ZNF516: variants seen among roughly 807,000 people sequenced by gnomAD.
The protein encoded by ZNF516 is zinc finger protein 516.
Under a neutral mutation model 79.7 loss-of-function variants are expected in ZNF516, and 19 were observed. That is an observed-to-expected ratio of 0.24 (90% CI 0.17 to 0.35). ZNF516 has a LOEUF of 0.35. Ranked by LOEUF, ZNF516 falls within the 10% of genes least tolerant of loss-of-function variation. The pLI, the probability that ZNF516 is intolerant of heterozygous loss-of-function variation, is 1.00. For missense variants in ZNF516, 1,678 were observed against 1,679.5 expected (o/e 1.00, Z 0.02); for synonymous variants, 877 against 739.5 (o/e 1.19, Z -3.02).
rs558462582 is a variant in ZNF516, at chr18:76,459,002, G to C, written c.-158+4026C>G. On this transcript the variant is annotated intron_variant, in intron 2 of 6. Coordinates refer to ENST00000443185, the MANE Select transcript of ZNF516 (RefSeq NM_014643.4). The surrounding 1 kb of genome is among the most constrained non-coding windows in gnomAD (Gnocchi z 5.0). ...TGTGCTAGTGTGCCCGAGGGTGTGT[G>C]TGTGTGTCTGAGAGAGCACATGTGT... Among the ~76,000 whole-genome samples, 127 of 152,376 alleles carry C rather than the reference G, an allele frequency of 8.3e-4. 1 individual carries two copies. The highest frequency in any genetic ancestry group is 1.3e-3 in the Non-Finnish European group (90 of 68,038).
Position 76,380,184 on chromosome 18 carries a change from C to T in ZNF516, c.1930G>A (p.Ala644Thr). 5 of 1,614,002 alleles carry T rather than the reference C, an allele frequency of 3.1e-6. No homozygotes were observed. Among genetic ancestry groups the T allele is most frequent in the Non-Finnish European group, 4.2e-6 (5 of 1,179,898 alleles). The change falls in exon 4 of 7, where the codon GCA becomes ACA. Residue 644 changes from alanine (A) to threonine (T), a missense_variant. Ala to Thr is a moderately conservative substitution (Grantham distance 58). This residue lies in a region of ZNF516 where 1,294 missense variants were observed against 1,248.3 expected (regional missense o/e 1.04). Coordinates refer to ENST00000443185, the MANE Select transcript of ZNF516 (RefSeq NM_014643.4). ...ASERDTGESK[A>T]GIAASVSILE... ...ATGGACACAGAAGCTGCGATCCCTG[C>T]CTTGGACTCGCCGGTGTCTCTTTCC...
intron 2 of ZNF516, among the ~76,000 whole-genome samples, chr18:76,445,678 C>T (rs986960982): frequency 1.3e-5 from 2 of 152,162 alleles, no homozygotes; most frequent in Non-Finnish European, 2.9e-5. Context: ...CCTGGACCTC[C>T]AACGTTTGTC....
rs140075832 is a variant in ZNF516, at chr18:76,412,298, A to C, written c.1810+28947T>G. 1.2e-4 allele frequency among the ~76,000 whole-genome samples: 18 copies of C among 152,160 alleles called. No individual in the cohort carries two copies. In the East Asian group the frequency reaches 3.3e-3, roughly 28 times the overall value. ...GCGATGCTCTCCTTCCTCACTGGGGACAGAGGGGACGTACACGGCACCCAA... is the reference window on the plus strand; with the variant it reads ...GCGATGCTCTCCTTCCTCACTGGGGCCAGAGGGGACGTACACGGCACCCAA... On this transcript the variant is annotated intron_variant, in intron 3 of 6. Coordinates refer to ENST00000443185, the MANE Select transcript of ZNF516 (RefSeq NM_014643.4).
At chr18:76,446,999 T>TC (rs1214050354) in intron 2 of ZNF516, among the ~76,000 whole-genome samples, 1 of 152,190 alleles carries the variant, frequency 6.6e-6, no homozygotes, top group Non-Finnish European at 1.5e-5. Context: ...AGTGATCCCC[T>TC]CCTGATGTCC....
intron 1 of ZNF516, among the ~76,000 whole-genome samples, chr18:76,491,254 C>T (rs1380090987): frequency 1.4e-5 from 2 of 141,070 alleles, no homozygotes; most frequent in Non-Finnish European, 3.1e-5. Flanking sequence ...ACCCCAGTTC[C>T]GGACCGGACC....
chr18:76,435,101 C>T (rs1223352697), intron 3 of ZNF516, among the ~76,000 whole-genome samples: 1 of 152,136 alleles, frequency 6.6e-6, no homozygotes, highest in Non-Finnish European at 1.5e-5. Context: ...TAGTTCCCTC[C>T]CACCTCGAAA....
chr18:76,441,534 G>C lies in ZNF516; in HGVS notation c.1521C>G (p.Ala507=). 6.4e-7 allele frequency: 1 copy of C among 1,572,200 alleles called. No individual in the cohort carries two copies. The highest frequency in any genetic ancestry group is 1.2e-5 in the South Asian group (1 of 86,290). The change falls in exon 3 of 7, where the codon GCC becomes GCG. Residue 507 remains alanine (A), a synonymous_variant. Transcript: ENST00000443185. Reference sequence around the variant, plus strand: ...CGGAGGACTTGCCCTGGCCGGTGGTGGCTGCGGCCCTGCGGTTGGGGCGCG... The same window carrying C: ...CGGAGGACTTGCCCTGGCCGGTGGTCGCTGCGGCCCTGCGGTTGGGGCGCG... ...SAARPNRRAA[A]TTGQGKSSEC... is the part of the protein sequence containing the mutation.
In ZNF516 at chr18:76,419,179, T is replaced by C. The variant is rs28558813; in HGVS notation, c.1810+22066A>G. 9.1e-3 allele frequency among the ~76,000 whole-genome samples: 1,379 copies of C among 152,342 alleles called. 22 individuals are homozygous for C. The highest frequency in any genetic ancestry group is 0.031 in the African/African-American group (1,307 of 41,572). On this transcript the variant is annotated intron_variant, in intron 3 of 6. Coordinates refer to ENST00000443185, the MANE Select transcript of ZNF516 (RefSeq NM_014643.4). The stretch of plus-strand genomic sequence containing the variant: ...GAGACCCTGGGGGAATTCAGGATTG[T>C]CCAGGATTATACACGAGGCTGTATA...
chr18:76,404,073 C>G (rs949911048), intron 3 of ZNF516, among the ~76,000 whole-genome samples: 2 of 152,348 alleles, frequency 1.3e-5, no homozygotes, highest in African/African-American at 2.4e-5. Context: ...AACTGGCCTC[C>G]CCACTCCACT....
intron 4 of ZNF516, chr18:76,372,778 C>T (rs1388909798): frequency 1.3e-5 from 2 of 152,248 alleles, no homozygotes; most frequent in Non-Finnish European, 2.9e-5. Flanking sequence ...AATTCAACAA[C>T]TTAGCCACCG....
At chr18:76,435,708 A>T (rs954284892) in intron 3 of ZNF516, among the ~76,000 whole-genome samples, 13 of 152,098 alleles carry the variant, frequency 8.5e-5, no homozygotes, top group Non-Finnish European at 4.4e-5. Context: ...ACTCCTCAGA[A>T]CTCCGTACAG....
chr18:76,414,205 A>G (rs1027943110), intron 3 of ZNF516, among the ~76,000 whole-genome samples: 5 of 152,240 alleles, frequency 3.3e-5, no homozygotes, highest in African/African-American at 1.2e-4. Context: ...ATTGTTTACA[A>G]TCCAGTTGTT....
chr18:76,489,035 C>A (rs189090474), intron 1 of ZNF516, among the ~76,000 whole-genome samples: 2 of 152,208 alleles, frequency 1.3e-5, no homozygotes, highest in African/African-American at 4.8e-5. Context: ...TGCTGCAGAA[C>A]GCAGTGAGCT....
chr18:76,459,054 C>T lies in ZNF516; in HGVS notation c.-158+3974G>A, dbSNP rs1912929977. 6.6e-6 allele frequency among the ~76,000 whole-genome samples: 1 copy of T among 152,196 alleles called. No individual in the cohort carries two copies. Among genetic ancestry groups the T allele is most frequent in the Non-Finnish European group, 1.5e-5 (1 of 68,040 alleles). Reference sequence around the variant, plus strand: ...TGATCTCTTAACCTACATAAAAGCACTCATTCAAATACCCTACCTGGAGGC... The same window carrying T: ...TGATCTCTTAACCTACATAAAAGCATTCATTCAAATACCCTACCTGGAGGC... On this transcript the variant is annotated intron_variant, in intron 2 of 6. Transcript: ENST00000443185. The surrounding 1 kb of genome is among the most constrained non-coding windows in gnomAD (Gnocchi z 5.0).
At chr18:76,406,293 C>T (rs1043458073) in intron 3 of ZNF516, among the ~76,000 whole-genome samples, 3 of 152,196 alleles carry the variant, frequency 2.0e-5, no homozygotes, top group Admixed American at 6.5e-5. Flanking sequence ...AGGCCGGGCG[C>T]GGTGGCTCAC....
chr18:76,379,657 C>A lies in ZNF516; in HGVS notation c.2457G>T (p.Pro819=), dbSNP rs774175217. The A allele has an allele frequency of 1.9e-6, 3 of 1,613,560 alleles. No homozygotes were observed. Among genetic ancestry groups the A allele is most frequent in the Non-Finnish European group, 2.5e-6 (3 of 1,179,880 alleles). ...FLSRSGRTGP[P]PALGGKECQP... ...GGCATTCTTTGCCACCGAGGGCAGGCGGGGGGCCCGTGCGTCCGCTCCGGG... is the reference window on the plus strand; with the variant it reads ...GGCATTCTTTGCCACCGAGGGCAGGAGGGGGGCCCGTGCGTCCGCTCCGGG... The change falls in exon 4 of 7, where the codon CCG becomes CCT. Residue 819 remains proline (P), a synonymous_variant. Transcript: ENST00000443185.
At chr18:76,399,954 C>T (rs2075196881) in intron 3 of ZNF516, among the ~76,000 whole-genome samples, 1 of 152,156 alleles carries the variant, frequency 6.6e-6, no homozygotes, top group Non-Finnish European at 1.5e-5. Flanking sequence ...AGTTTGGTCT[C>T]CCAGTGGGGT....
intron 3 of ZNF516, among the ~76,000 whole-genome samples, chr18:76,391,855 A>G (rs2075078286): frequency 6.6e-6 from 1 of 152,224 alleles, no homozygotes; most frequent in South Asian, 2.1e-4. Context: ...CTCGCCCTGA[A>G]GGCCGGAGAC....
At chr18:76,468,895 CTTTA>C (rs146632351) in intron 1 of ZNF516, among the ~76,000 whole-genome samples, 1,892 of 152,190 alleles carry the variant, frequency 0.012, 56 homozygotes, top group African/African-American at 0.043. Flanking sequence ...GTTGCCAGGA[CTTTA>C]TTTATCACTC....
Sources: allele counts gnomAD v4.1 joint callset (sites outside exome capture counted in the v4.1 genomes callset), GRCh38; gene constraint gnomAD v4.1.1; regional missense constraint gnomAD v4.1.1; non-coding constraint Gnocchi (gnomAD v3.1); transcripts MANE v1.5; gene names NCBI Gene and HGNC (gene_info 2026-07-23, HGNC 2026-07-21).